The following DAB1 variants were observed in gnomAD, a reference collection of about 807,000 sequenced individuals.
DAB1 encodes the protein disabled homolog 1.
A neutral mutation model predicts 64.6 loss-of-function variants in DAB1; 15 were observed. That is an observed-to-expected ratio of 0.23 (90% CI 0.16 to 0.36). The LOEUF is 0.36. Among genes scored for constraint, DAB1 ranks in the 10% least tolerant of loss-of-function variants. The pLI, the probability that DAB1 is intolerant of heterozygous loss-of-function variation, is 1.00. For synonymous variants in DAB1, 235 were observed against 251.9 expected (o/e 0.93, Z 0.64); for missense variants, 596 against 706.7 (o/e 0.84, Z 1.78).
chr1:57,932,812 T>C (rs1644972257), intron 5 of DAB1, among the ~76,000 whole-genome samples: 1 of 152,228 alleles, frequency 6.6e-6, no homozygotes, highest in African/African-American at 2.4e-5. Flanking sequence ...CCATTTACTT[T>C]TAATCTATTT....
intron 4 of DAB1, among the ~76,000 whole-genome samples, chr1:58,238,750 C>G (rs1412129554): frequency 6.6e-6 from 1 of 152,094 alleles, no homozygotes; most frequent in African/African-American, 2.4e-5. Context: ...TAGGTGAAAT[C>G]AGGAAGAGAG....
chr1:57,897,160 C>T (rs562054524), intron 5 of DAB1, among the ~76,000 whole-genome samples: 5 of 152,220 alleles, frequency 3.3e-5, no homozygotes, highest in Non-Finnish European at 5.9e-5. Flanking sequence ...CAGAGCACAC[C>T]GGCAGATCCA....
exon 2 of DAB1, chr1:57,826,126 G>A (rs1056375793): frequency 1.3e-5 from 2 of 152,186 alleles, no homozygotes; most frequent in Non-Finnish European, 2.9e-5. Flanking sequence ...AGGAAACAGA[G>A]AACCAATCAG....
At chr1:57,051,468 A>C (rs1423809174) in intron 9 of DAB1, among the ~76,000 whole-genome samples, 1 of 152,240 alleles carries the variant, frequency 6.6e-6, no homozygotes, top group Non-Finnish European at 1.5e-5. Context: ...AGTAGGGAAC[A>C]GTTGTCCAGA....
chr1:57,221,050 T>G (rs1666825547), intron 2 of DAB1, among the ~76,000 whole-genome samples: 1 of 152,194 alleles, frequency 6.6e-6, no homozygotes, highest in Non-Finnish European at 1.5e-5. Context: ...ATATATACCA[T>G]GGAATACTAT....
intron 7 of DAB1, among the ~76,000 whole-genome samples, chr1:57,475,742 C>T (rs766171361): frequency 5.9e-5 from 9 of 152,230 alleles, no homozygotes; most frequent in East Asian, 3.9e-4. Context: ...TACCGGCCAA[C>T]GCCATCCTCT....
At chr1:57,273,629 TCCC>T (rs1671226520) in intron 2 of DAB1, among the ~76,000 whole-genome samples, 1 of 91,770 alleles carries the variant, frequency 1.1e-5, no homozygotes, top group African/African-American at 4.1e-5. Context: ...CCTCCCTCCC[TCCC>T]TCCCTCCCTC....
intron 3 of DAB1, among the ~76,000 whole-genome samples, chr1:58,355,470 G>A (rs1035253852): frequency 6.6e-6 from 1 of 152,102 alleles, no homozygotes; most frequent in African/African-American, 2.4e-5. Context: ...TCTCTCAAGC[G>A]CTGATGAATC....
chr1:58,223,373 G>T (rs768918171), intron 4 of DAB1, among the ~76,000 whole-genome samples: 7 of 152,312 alleles, frequency 4.6e-5, no homozygotes, highest in Non-Finnish European at 7.4e-5. Context: ...AGTTTCTGAT[G>T]AAAGAACGCC....
At chr1:58,079,367 A>G (rs966634900) in intron 5 of DAB1, among the ~76,000 whole-genome samples, 29 of 152,184 alleles carry the variant, frequency 1.9e-4, no homozygotes, top group African/African-American at 6.5e-4. Flanking sequence ...CCACTGCATC[A>G]TGTACTTATC....
At chr1:58,020,485 T>C (rs1026247069) in intron 5 of DAB1, among the ~76,000 whole-genome samples, 1 of 152,374 alleles carries the variant, frequency 6.6e-6, no homozygotes, top group South Asian at 2.1e-4. Context: ...CTTCATGGAA[T>C]GAATTCATCA....
chr1:57,185,364 G>A (rs1294835472), intron 2 of DAB1, among the ~76,000 whole-genome samples: 1 of 152,164 alleles, frequency 6.6e-6, no homozygotes, highest in Admixed American at 6.5e-5. Context: ...GAATAGAGGA[G>A]GACAGAATTT....
chr1:57,721,669 G>A (rs1190595399), intron 6 of DAB1, among the ~76,000 whole-genome samples: 1 of 152,186 alleles, frequency 6.6e-6, no homozygotes, highest in Admixed American at 6.5e-5. Flanking sequence ...CTTCTAGGTT[G>A]AGGGGCAGCA....
intron 6 of DAB1, among the ~76,000 whole-genome samples, chr1:57,712,053 C>T (rs1476108642): frequency 6.6e-6 from 1 of 151,980 alleles, no homozygotes; most frequent in Non-Finnish European, 1.5e-5. Flanking sequence ...TTGGAGTTTT[C>T]CCCTGCAGAT....
intron 3 of DAB1, among the ~76,000 whole-genome samples, chr1:58,490,795 C>CT (rs148145860): frequency 0.29 from 17,187 of 59,210 alleles, 5,513 homozygotes; most frequent in East Asian, 0.39. Flanking sequence ...AGTCAACATT[C>CT]TTTTTTTTTT....
intron 5 of DAB1, among the ~76,000 whole-genome samples, chr1:58,094,093 A>G (rs2100617651): frequency 6.6e-6 from 1 of 152,276 alleles, no homozygotes; most frequent in African/African-American, 2.4e-5. Flanking sequence ...TCCCATGGCT[A>G]GACCCTCTAC....
At chr1:58,131,390 G>A (rs1356065227) in intron 5 of DAB1, among the ~76,000 whole-genome samples, 2 of 142,950 alleles carry the variant, frequency 1.4e-5, no homozygotes, top group African/African-American at 5.1e-5. Context: ...CAACTTCATT[G>A]CCTTTGGTTT....
At chr1:58,399,381 G>T (rs776718177) in intron 3 of DAB1, among the ~76,000 whole-genome samples, 1 of 152,202 alleles carries the variant, frequency 6.6e-6, no homozygotes, top group Non-Finnish European at 1.5e-5. Flanking sequence ...CAGAAGCAGG[G>T]CTGGGATCCA....
intron 7 of DAB1, among the ~76,000 whole-genome samples, chr1:57,489,648 A>T (rs1438550384): frequency 6.6e-6 from 1 of 150,522 alleles, no homozygotes; most frequent in Non-Finnish European, 1.5e-5. Flanking sequence ...CCCAGGGCCT[A>T]TCTTTTGCCC....
Sources: gnomAD v4.1 joint callset for allele counts (sites outside exome capture counted in the v4.1 genomes callset) on GRCh38, gnomAD v4.1.1 for gene constraint, MANE v1.5 for transcripts, NCBI Gene and HGNC (gene_info 2026-07-23, HGNC 2026-07-21) for gene names.